The following ZFAT variants were observed in gnomAD, a reference collection of about 807,000 sequenced individuals.
ZFAT encodes the protein zinc finger protein ZFAT.
A neutral mutation model predicts 117.7 loss-of-function variants in ZFAT; 64 were observed. That is an observed-to-expected ratio of 0.54 (90% confidence interval 0.44 to 0.67). The LOEUF is 0.67. ZFAT is among the 30% of genes least tolerant of loss of function. The pLI is 0.00. For synonymous variants in ZFAT, 679 were observed against 615.0 expected (o/e 1.10, Z -1.54); for missense variants, 1,433 against 1,584.5 (o/e 0.90, Z 1.62).
chr8:134,657,779 A>C, intron 1 of ZFAT, 42 bp from the exon 2 acceptor site: 1 of 1,587,358 alleles, frequency 6.3e-7, no homozygotes. Flanking sequence ...TCATCTCCAC[A>C]TAAACAATTA....
intron 1 of ZFAT, among the ~76,000 whole-genome samples, chr8:134,689,949 A>T (rs1833512944): frequency 6.6e-6 from 1 of 152,350 alleles, no homozygotes. Context: ...AATCAAGAAA[A>T]AATAATTTTA....
rs1294894226 is a variant in ZFAT at position 134,712,869 on chromosome 8, C to G, written c.-6G>C. 2.7e-6 allele frequency: 4 copies of G among 1,492,346 alleles called. No homozygotes were observed. The South Asian group carries it at 5.0e-5, about 19-fold the overall frequency. The allele number at this position is 1,492,346 out of a possible 1,614,324, so 92.4% of individuals were successfully genotyped here. A position where few individuals can be genotyped will look rare whatever the true frequency, so the allele number is the denominator to read the frequency against. Reference sequence around the variant, plus strand: ...CCTGCCGCCCGCGTCTCCATGGCAACGCCCCACCGCGGAGGAAAAAAAAGC... The same window carrying G: ...CCTGCCGCCCGCGTCTCCATGGCAAGGCCCCACCGCGGAGGAAAAAAAAGC... On this transcript the variant is annotated 5_prime_UTR_variant, in exon 1 of 16. Coordinates refer to ENST00000377838, the MANE Select transcript of ZFAT (RefSeq NM_020863.4).
intron 11 of ZFAT, among the ~76,000 whole-genome samples, chr8:134,563,397 A>T (rs1409381127): frequency 6.6e-6 from 1 of 152,198 alleles, no homozygotes; most frequent in Non-Finnish European, 1.5e-5. Context: ...TAGCTTCTTC[A>T]CTTCCTGGAT....
intron 11 of ZFAT, among the ~76,000 whole-genome samples, chr8:134,539,063 A>G (rs1166408292): frequency 6.6e-6 from 1 of 152,212 alleles, no homozygotes; most frequent in Admixed American, 6.5e-5. Flanking sequence ...AGAAAGAAAG[A>G]GAGTAGAAGA....
chr8:134,612,189 C>T (rs1828385317), intron 3 of ZFAT, among the ~76,000 whole-genome samples: 1 of 152,232 alleles, frequency 6.6e-6, no homozygotes, highest in South Asian at 2.1e-4. Flanking sequence ...GGGAACAATT[C>T]CACATAAGCC....
chr8:134,817,392 T>TACACA, the ZFAT span, among the ~76,000 whole-genome samples: 4 of 101,940 alleles, frequency 3.9e-5, no homozygotes, highest in East Asian at 4.8e-4. Context: ...TCTCTCTCTC[T>TACACA]CTACACACAC....
the ZFAT span, among the ~76,000 whole-genome samples, chr8:134,781,618 G>A: frequency 3.3e-5 from 5 of 151,946 alleles, no homozygotes; most frequent in African/African-American, 4.8e-5. Context: ...TGAACACCAC[G>A]GGTTTGAAAT....
the ZFAT span, chr8:134,766,797 A>G: frequency 6.6e-6 from 1 of 152,366 alleles, no homozygotes; most frequent in South Asian, 2.1e-4. Flanking sequence ...CCACCATCAC[A>G]CAGTGAGTTA....
intron 4 of ZFAT, among the ~76,000 whole-genome samples, chr8:134,609,477 GTTC>G (rs1317115733): frequency 6.6e-6 from 1 of 152,102 alleles, no homozygotes; most frequent in Non-Finnish European, 1.5e-5. Context: ...TTTCCAGAAA[GTTC>G]TTCTAGCCAC....
At chr8:134,494,131 C>G (rs1302816183) in intron 15 of ZFAT, among the ~76,000 whole-genome samples, 2 of 152,126 alleles carry the variant, frequency 1.3e-5, no homozygotes, top group Non-Finnish European at 2.9e-5. Context: ...ACAGGGAGCA[C>G]TCTCTTCCCT....
At chr8:134,638,868 G>A (rs1830419607) in intron 2 of ZFAT, among the ~76,000 whole-genome samples, 2 of 152,156 alleles carry the variant, frequency 1.3e-5, no homozygotes, top group African/African-American at 2.4e-5. Context: ...GCCGCCAGCA[G>A]CCTGGCTGAC....
chr8:134,667,869 G>A (rs1233965379), intron 1 of ZFAT, among the ~76,000 whole-genome samples: 3 of 152,144 alleles, frequency 2.0e-5, no homozygotes, highest in Non-Finnish European at 4.4e-5. Flanking sequence ...CAAGGGAAGG[G>A]GTGACAGACA....
At chr8:134,792,710 C>T in the ZFAT span, 3 of 152,120 alleles carry the variant, frequency 2.0e-5, no homozygotes, top group African/African-American at 4.8e-5. Flanking sequence ...GAGATGACCC[C>T]TATTTTGTCA....
chr8:134,804,862 T>C, the ZFAT span: 4 of 534,320 alleles, frequency 7.5e-6, no homozygotes, highest in South Asian at 5.6e-5. Flanking sequence ...CAAGAGGATG[T>C]CTGTGAATAG....
chr8:134,694,285 C>T (rs1833724086), intron 1 of ZFAT, among the ~76,000 whole-genome samples: 2 of 152,168 alleles, frequency 1.3e-5, no homozygotes, highest in South Asian at 4.1e-4. Context: ...CTGTTTCTCA[C>T]TTTGATAACT....
At chr8:134,484,634 A>T (rs568902908) in intron 15 of ZFAT, among the ~76,000 whole-genome samples, 2 of 152,212 alleles carry the variant, frequency 1.3e-5, no homozygotes, top group Non-Finnish European at 2.9e-5. Context: ...TTTGACTTCT[A>T]GTCTGCAAAA....
chr8:134,822,877 T>C, the ZFAT span, among the ~76,000 whole-genome samples: 1 of 152,098 alleles, frequency 6.6e-6, no homozygotes, highest in Admixed American at 6.6e-5. Context: ...CTTAGGAAAA[T>C]TAACTTGCAC....
chr8:134,820,080 T>C, the ZFAT span, among the ~76,000 whole-genome samples: 1 of 152,352 alleles, frequency 6.6e-6, no homozygotes, highest in African/African-American at 2.4e-5. Flanking sequence ...TAAATGCTGA[T>C]TAATAGATTT....
chr8:134,604,967 T>C (rs1230863738), intron 5 of ZFAT, among the ~76,000 whole-genome samples: 1 of 152,226 alleles, frequency 6.6e-6, no homozygotes, highest in Non-Finnish European at 1.5e-5. Context: ...ATCAAGACTT[T>C]GCATATTTTC....
Sources: allele counts gnomAD v4.1 joint callset (sites outside exome capture counted in the v4.1 genomes callset), GRCh38; gene constraint gnomAD v4.1.1; transcripts MANE v1.5; gene names NCBI Gene and HGNC (gene_info 2026-07-23, HGNC 2026-07-21).